The following LARGE1 variants were observed in gnomAD, a reference collection of about 807,000 sequenced individuals.
LARGE1 encodes the protein LARGE xylosyl- and glucuronyltransferase 1.
A neutral mutation model predicts 87.6 loss-of-function variants in LARGE1; 43 were observed. The ratio of observed to expected loss-of-function variants is 0.49; its 90% CI spans 0.38 to 0.63. The LOEUF (loss-of-function observed/expected upper bound fraction) is 0.63, where lower values mean the gene tolerates loss of function less well. Ranked by LOEUF, LARGE1 falls within the 30% of genes least tolerant of loss-of-function variation. The pLI, the probability that LARGE1 is intolerant of heterozygous loss-of-function variation, is 0.00. For synonymous variants in LARGE1, 434 were observed against 394.6 expected (o/e 1.10, Z -1.18); for missense variants, 802 against 1,000.2 (o/e 0.80, Z 2.67).
At chr22:33,749,114 T>C (rs1355698150) in intron 2 of LARGE1, among the ~76,000 whole-genome samples, 1 of 152,256 alleles carries the variant, frequency 6.6e-6, no homozygotes, top group African/African-American at 2.4e-5. Flanking sequence ...CTACAGGTTG[T>C]GCTCTCCTCT....
chr22:33,310,878 T>A (rs1444544556), intron 11 of LARGE1, among the ~76,000 whole-genome samples: 1 of 152,112 alleles, frequency 6.6e-6, no homozygotes, highest in Non-Finnish European at 1.5e-5. Flanking sequence ...GTGGGTATCG[T>A]GTGTCTGCTA....
intron 2 of LARGE1, among the ~76,000 whole-genome samples, chr22:33,714,317 T>G (rs1398793390): frequency 6.6e-6 from 1 of 152,134 alleles, no homozygotes; most frequent in Admixed American, 6.6e-5. Context: ...AATAAAAAAC[T>G]CCAGCTCTAG....
chr22:33,453,646 G>A (rs1372641451), intron 6 of LARGE1, among the ~76,000 whole-genome samples: 10 of 152,110 alleles, frequency 6.6e-5, no homozygotes, highest in Non-Finnish European at 4.4e-5. Context: ...GGCAGTCTGA[G>A]GCAGCCCATC....
chr22:33,890,429 C>T (rs940801749), intron 1 of LARGE1, among the ~76,000 whole-genome samples: 5 of 151,724 alleles, frequency 3.3e-5, no homozygotes, highest in African/African-American at 4.8e-5. Context: ...CAAATTAACC[C>T]GCACAGCAAT....
At chr22:33,727,417 G>A (rs771107888) in intron 2 of LARGE1, 1 of 152,182 alleles carries the variant, frequency 6.6e-6, no homozygotes, top group Non-Finnish European at 1.5e-5. Flanking sequence ...GACCCATAAA[G>A]GTGCTAATAT....
At chr22:33,663,345 TA>T (rs1283949230) in intron 2 of LARGE1, among the ~76,000 whole-genome samples, 4 of 152,200 alleles carry the variant, frequency 2.6e-5, no homozygotes, top group African/African-American at 9.6e-5. Flanking sequence ...TTCCAAGTCC[TA>T]CACCGGAGAG....
Position 33,384,281 on chromosome 22 carries a change from T to C in LARGE1, c.916A>G (p.Lys306Glu). The part of the protein sequence containing the change: ...NTGVILLLLD[K>E]LRKMKWEQMW... The stretch of plus-strand genomic sequence containing the variant: ...TGCTCCCATTTCATCTTCCGCAGCT[T>C]ATCCAGAAGTAACAGGATCACCCCT... The change falls in exon 8 of 15, where the codon AAG (lysine) becomes GAG (glutamate). Residue 306 changes from lysine to glutamate, a missense_variant. Transcript: ENST00000397394. 1.2e-6 allele frequency: 2 copies of C among 1,613,906 alleles called. No homozygotes were observed. Among genetic ancestry groups the C allele is most frequent in the African/African-American group, 1.3e-5 (1 of 74,982 alleles).
intron 2 of LARGE1, among the ~76,000 whole-genome samples, chr22:33,721,361 G>C (rs1332304799): frequency 1.3e-5 from 2 of 152,218 alleles, no homozygotes; most frequent in Non-Finnish European, 2.9e-5. Flanking sequence ...TGTTTCCACA[G>C]GTGTATTATG....
At chr22:33,622,098 T>TTG (rs2149057969) in intron 4 of LARGE1, among the ~76,000 whole-genome samples, 1 of 152,096 alleles carries the variant, frequency 6.6e-6, no homozygotes, top group Admixed American at 6.5e-5. Flanking sequence ...CCACTGGAGG[T>TTG]TGTTAGGGAA....
At chr22:33,180,289 A>G (rs1236264827) in intron 11 of LARGE1, among the ~76,000 whole-genome samples, 6 of 152,252 alleles carry the variant, frequency 3.9e-5, no homozygotes, top group African/African-American at 1.2e-4. Flanking sequence ...AAAATAAACA[A>G]ATGTAAATGA....
At chr22:33,798,284 C>G (rs1301302335) in intron 1 of LARGE1, among the ~76,000 whole-genome samples, 1 of 150,282 alleles carries the variant, frequency 6.7e-6, no homozygotes, top group African/African-American at 2.4e-5. Context: ...GAGCGAAACT[C>G]TGTCTCTCAA....
chr22:33,474,532 G>A lies in LARGE1; in HGVS notation c.788-42267C>T, dbSNP rs150618143. Among the ~76,000 whole-genome samples the A allele has an allele frequency of 3.3e-5, 5 of 152,240 alleles. No homozygotes were observed. The East Asian group carries it at 9.7e-4, about 29-fold the overall frequency. On this transcript the variant is annotated intron_variant, in intron 6 of 14. Coordinates refer to ENST00000397394, the MANE Select transcript of LARGE1 (RefSeq NM_133642.5). ...TTGGTGACAATGGTAGAGACATGGCGCTTACCCCCTTATGCCTGGCACGCT... is the reference window on the plus strand; with the variant it reads ...TTGGTGACAATGGTAGAGACATGGCACTTACCCCCTTATGCCTGGCACGCT...
chr22:33,383,284 G>A (rs1364629722), intron 8 of LARGE1, among the ~76,000 whole-genome samples: 1 of 152,184 alleles, frequency 6.6e-6, no homozygotes, highest in Non-Finnish European at 1.5e-5. Flanking sequence ...TGTTGGCTGG[G>A]TGCAGAGACT....
the LARGE1 span, among the ~76,000 whole-genome samples, chr22:33,125,472 G>A: frequency 4.7e-5 from 7 of 147,382 alleles, no homozygotes; most frequent in African/African-American, 1.8e-4. Context: ...TTGAGACAGA[G>A]TTTCACTCTT....
intron 11 of LARGE1, among the ~76,000 whole-genome samples, chr22:33,204,245 T>C (rs1268766913): frequency 6.6e-6 from 1 of 152,110 alleles, no homozygotes; most frequent in African/African-American, 2.4e-5. Flanking sequence ...TACTGAGTTG[T>C]AGAAAATAAC....
chr22:33,501,016 G>A (rs1446509749), intron 6 of LARGE1, among the ~76,000 whole-genome samples: 2 of 152,150 alleles, frequency 1.3e-5, no homozygotes, highest in East Asian at 3.9e-4. Context: ...GGCGCCCATG[G>A]AAGGCTTCCT....
At chr22:33,127,350 A>G in the LARGE1 span, among the ~76,000 whole-genome samples, 832 of 152,188 alleles carry the variant, frequency 5.5e-3, 10 homozygotes, top group African/African-American at 0.018. Flanking sequence ...GTGTGTCTCA[A>G]TGGGAACATA....
chr22:33,544,997 G>A (rs577024441), intron 6 of LARGE1, among the ~76,000 whole-genome samples: 14 of 152,242 alleles, frequency 9.2e-5, no homozygotes, highest in East Asian at 3.9e-4. Context: ...AGGAAGAAAC[G>A]TATGCTGAGC....
At chr22:33,268,511 T>A (rs967261187), downstream of LARGE1, among the ~76,000 whole-genome samples, 1 of 150,386 alleles carries the variant, frequency 6.6e-6, no homozygotes, top group Non-Finnish European at 1.5e-5. Flanking sequence ...CATTGCAAGC[T>A]CCGTCCCCCG....
Sources: allele counts gnomAD v4.1 joint callset (sites outside exome capture counted in the v4.1 genomes callset), GRCh38; gene constraint gnomAD v4.1.1; transcripts MANE v1.5; gene names NCBI Gene and HGNC (gene_info 2026-07-23, HGNC 2026-07-21).